The following SLC1A7 variants were observed in gnomAD, a reference collection of about 807,000 sequenced individuals.
SLC1A7 encodes the protein solute carrier family 1 member 7.
A neutral mutation model predicts 47.7 loss-of-function variants in SLC1A7; 40 were observed. That is an observed-to-expected ratio of 0.84 (90% confidence interval 0.65 to 1.09). The LOEUF (loss-of-function observed/expected upper bound fraction) is 1.09, where lower values mean the gene tolerates loss of function less well. SLC1A7 is among the 50% of genes least tolerant of loss of function. The probability of loss-of-function intolerance (pLI) is 0.00; values close to 1 mark genes in which losing one functional copy is unlikely to be tolerated. For missense variants in SLC1A7, 746 were observed against 769.5 expected (o/e 0.97, Z 0.36); for synonymous variants, 323 against 325.6 (o/e 0.99, Z 0.09).
At chr1:53,136,666 A>ATTTTTTT (rs58852734) in intron 1 of SLC1A7, among the ~76,000 whole-genome samples, 1 of 105,410 alleles carries the variant, frequency 9.5e-6, no homozygotes, top group African/African-American at 3.9e-5. Flanking sequence ...ATATATATAT[A>ATTTTTTT]TTTTTTTTTT....
Position 53,092,729 on chromosome 1 carries a change from G to A in SLC1A7, c.856C>T (p.Pro286Ser), listed in dbSNP as rs764541055. The change falls in exon 7 of 11, where the codon CCC becomes TCC. Residue 286 changes from proline (P) to serine (S), a missense_variant. Coordinates refer to ENST00000371494, the MANE Select transcript of SLC1A7 (RefSeq NM_006671.6). Reference sequence around the variant, plus strand: ...CCCAGCTTCTTGCCGACGGCCCTGGGGTCGTCCATCTCCAGGATCTTACCC... The same window carrying A: ...CCCAGCTTCTTGCCGACGGCCCTGGAGTCGTCCATCTCCAGGATCTTACCC... ...IAGKILEMDD[P>S]RAVGKKLGFY... is the part of the protein sequence containing the mutation. 6 of 1,613,862 alleles carry A rather than the reference G, an allele frequency of 3.7e-6. No homozygotes were observed. The highest frequency in any genetic ancestry group is 1.3e-5 in the African/African-American group (1 of 74,932).
chr1:53,139,816 TA>T (rs1421677486), intron 1 of SLC1A7, among the ~76,000 whole-genome samples: 1 of 152,178 alleles, frequency 6.6e-6, no homozygotes, highest in East Asian at 1.9e-4. Flanking sequence ...TTTTACCTTT[TA>T]AAAATCCCAT....
At chr1:53,129,483 AAGC>A (rs1169378386) in intron 2 of SLC1A7, among the ~76,000 whole-genome samples, 4,690 of 116,878 alleles carry the variant, frequency 0.04, 17 homozygotes, top group Middle Eastern at 0.068. Context: ...ACCACTGGTC[AAGC>A]GTGGGCTGCA....
At position 53,103,364 on chromosome 1, in the gene SLC1A7, A is replaced by C. The variant is rs368104706; in HGVS notation, c.679T>G (p.Phe227Val). 2 of 1,605,334 alleles carry C rather than the reference A, an allele frequency of 1.2e-6. No homozygotes were observed. Among genetic ancestry groups the C allele is most frequent in the South Asian group, 2.2e-5 (2 of 89,262 alleles). Residue 227 changes from phenylalanine to valine, a missense_variant, in exon 5 of 11, where the codon TTC becomes GTC. Physicochemically the swap from Phe to Val is conservative, Grantham distance 50 (BLOSUM62 -1). Transcript: ENST00000371494. The part of the protein sequence containing the change: ...SDGMNVLGIV[F>V]FSATMGIMLG... ...CACATACCCATGGTGGCAGAGAAGA[A>C]GACGATGCCCAGCACATTCATGCCA...
intron 10 of SLC1A7, among the ~76,000 whole-genome samples, chr1:53,088,633 G>A (rs2306459): frequency 0.16 from 24,382 of 152,156 alleles, 3,259 homozygotes; most frequent in East Asian, 0.41. Flanking sequence ...CGAGGGCGGG[G>A]AATTTTATCA....
chr1:53,090,701 G>A lies in SLC1A7; in HGVS notation c.1137C>T (p.Asp379=), dbSNP rs761096707. The part of the protein sequence containing the change: ...VLPVGATINM[D]GTALYEAVAA... The stretch of plus-strand genomic sequence containing the variant: ...CCACAGCCTCGTAGAGCGCAGTGCC[G>A]TCCATGTTGATGGTGGCACCCACGG... The change falls in exon 8 of 11, where the codon GAC becomes GAT. Residue 379 remains aspartate, a synonymous_variant. Coordinates refer to ENST00000371494, the MANE Select transcript of SLC1A7 (RefSeq NM_006671.6). 3.6e-5 allele frequency: 58 copies of A among 1,613,976 alleles called. No homozygotes were observed. The highest frequency in any genetic ancestry group is 1.8e-4 in the South Asian group (16 of 91,072).
At position 53,142,636 on chromosome 1, in the gene SLC1A7, A is replaced by T. The variant is rs1645070380; in HGVS notation, c.-187T>A. On this transcript the variant is annotated 5_prime_UTR_variant, in exon 1 of 11. Transcript: ENST00000371494. The stretch of plus-strand genomic sequence containing the variant: ...CTTAGAGGGAAGCCACAATCCTATT[A>T]CCAGCTGCATCATTAGGAGCTGGGA... 6.9e-6 allele frequency: 4 copies of T among 578,060 alleles called. No homozygotes were observed. In the Admixed American group the frequency reaches 1.3e-4, roughly 19 times the overall value. The allele number at this position is 578,060 out of a possible 1,614,324, so 35.8% of individuals were successfully genotyped here.
rs199791615 is a variant in SLC1A7, at chr1:53,092,719, A to T, written c.866T>A (p.Val289Asp). ...KILEMDDPRA[V>D]GKKLGFYSVT... ...TGAGTAGAAGCCCAGCTTCTTGCCG[A>T]CGGCCCTGGGGTCGTCCATCTCCAG... Residue 289 changes from valine to aspartate, a missense_variant, in exon 7 of 11, where the codon GTC (valine) becomes GAC (aspartate). Transcript: ENST00000371494. The T allele has an allele frequency of 6.2e-7, 1 of 1,614,054 alleles. No individual in the cohort carries two copies. Among genetic ancestry groups the T allele is most frequent in the Non-Finnish European group, 8.5e-7 (1 of 1,179,992 alleles).
intron 3 of SLC1A7, among the ~76,000 whole-genome samples, chr1:53,110,459 G>A (rs1644690478): frequency 6.6e-6 from 1 of 152,258 alleles, no homozygotes; most frequent in Admixed American, 6.5e-5. Flanking sequence ...TGGGGCGTGG[G>A]GGGTGCGGCT....
intron 7 of SLC1A7, 71 bp from the exon 8 acceptor site, chr1:53,090,877 C>T (rs1644414448): frequency 1.3e-6 from 2 of 1,552,868 alleles, no homozygotes; most frequent in Non-Finnish European, 1.7e-6. Flanking sequence ...TCGGGAAGCT[C>T]ACCCCTCCCC....
At chr1:53,105,863 C>T (rs1372673216) in intron 3 of SLC1A7, 89 bp from the exon 4 acceptor site, 10 of 1,061,192 alleles carry the variant, frequency 9.4e-6, no homozygotes, top group Non-Finnish European at 1.5e-5. Context: ...TGGACATCTC[C>T]TTTGGTGGTC....
chr1:53,100,648 C>T (rs917167757), intron 5 of SLC1A7, among the ~76,000 whole-genome samples: 1 of 145,952 alleles, frequency 6.9e-6, no homozygotes, highest in Non-Finnish European at 1.5e-5. Flanking sequence ...CACTCACACA[C>T]CTTTCCTCGG....
intron 2 of SLC1A7, among the ~76,000 whole-genome samples, chr1:53,133,050 G>C (rs1016139240): frequency 1.3e-5 from 2 of 152,158 alleles, no homozygotes; most frequent in African/African-American, 4.8e-5. Context: ...AGTAGAAGGA[G>C]AGAGACCAAG....
intron 3 of SLC1A7, among the ~76,000 whole-genome samples, chr1:53,113,213 C>T (rs1644718620): frequency 6.6e-6 from 1 of 152,094 alleles, no homozygotes; most frequent in Admixed American, 6.5e-5. Context: ...AGTGGGGTAG[C>T]CTGTGGAGCC....
intron 1 of SLC1A7, among the ~76,000 whole-genome samples, chr1:53,140,316 A>G (rs976959719): frequency 6.6e-6 from 1 of 152,284 alleles, no homozygotes; most frequent in African/African-American, 2.4e-5. Flanking sequence ...TGTTTTCACA[A>G]AATAATCTTC....
chr1:53,099,193 C>A (rs1350749969), intron 5 of SLC1A7, among the ~76,000 whole-genome samples: 1 of 15,124 alleles, frequency 6.6e-5, no homozygotes, highest in Non-Finnish European at 1.7e-4. Context: ...ACATAACCTG[C>A]CTTGGTACAC....
At chr1:53,119,833 T>G (rs1193676485) in intron 2 of SLC1A7, among the ~76,000 whole-genome samples, 2 of 151,886 alleles carry the variant, frequency 1.3e-5, no homozygotes, top group South Asian at 4.2e-4. Flanking sequence ...CCAGATAGAG[T>G]GGGAGGTTCC....
At chr1:53,090,288 G>A in intron 8 of SLC1A7, 2 of 540,732 alleles carry the variant, frequency 3.7e-6, no homozygotes, top group South Asian at 4.5e-5. Flanking sequence ...TGGCCTCCAG[G>A]GTCAGACCTG....
chr1:53,110,885 G>C (rs534403624), intron 3 of SLC1A7, among the ~76,000 whole-genome samples: 1 of 152,086 alleles, frequency 6.6e-6, no homozygotes, highest in South Asian at 2.1e-4. Flanking sequence ...ATTCTCCCTG[G>C]ACCATTCCAG....
Sources: gnomAD v4.1 joint callset for allele counts (sites outside exome capture counted in the v4.1 genomes callset) on GRCh38, gnomAD v4.1.1 for gene constraint, MANE v1.5 for transcripts, NCBI Gene and HGNC (gene_info 2026-07-23, HGNC 2026-07-21) for gene names.